Variants in NXPE2 observed in about 807,000 individuals in gnomAD.
The protein encoded by NXPE2 is NXPE family member 2.
A neutral mutation model predicts 34.4 loss-of-function variants in NXPE2; 34 were observed. The observed-to-expected ratio is 0.99, with a 90% confidence interval of 0.75 to 1.31. The LOEUF is 1.31. Among genes scored for constraint, NXPE2 ranks in the 40% most tolerant of loss-of-function variants. The pLI is 0.00. For missense variants in NXPE2, 649 were observed against 672.5 expected, an observed-to-expected ratio of 0.97 and a Z score of 0.39; for synonymous variants, 235 against 231.3, an observed-to-expected ratio of 1.02 and a Z score of -0.15.
chr11:114,799,125 T>A, the NXPE2 span, among the ~76,000 whole-genome samples: 2 of 152,160 alleles, frequency 1.3e-5, no homozygotes, highest in Non-Finnish European at 2.9e-5. Context: ...TACCTAAGGA[T>A]TTCCTTAGTA....
chr11:114,625,583 A>C, the NXPE2 span, among the ~76,000 whole-genome samples: 1 of 152,174 alleles, frequency 6.6e-6, no homozygotes, highest in Non-Finnish European at 1.5e-5. Context: ...CCTCGTGGGT[A>C]ACCACTGTTA....
Position 114,698,154 on chromosome 11 carries a change from A to C in NXPE2, c.242A>C (p.Glu81Ala). Reference protein sequence around the residue: ...LCPAVSPKETELRIKDIMEKL... With the variant: ...LCPAVSPKETALRIKDIMEKL... ...CCAGCAGTTTCACCAAAAGAGACTGAACTTAGAATAAAGGACATTATGGAG... is the reference window on the plus strand; with the variant it reads ...CCAGCAGTTTCACCAAAAGAGACTGCACTTAGAATAAAGGACATTATGGAG... The change falls in exon 3 of 6, where the codon GAA (glutamate) becomes GCA (alanine). Residue 81 changes from glutamate (E) to alanine (A), a missense_variant. Physicochemically the swap from Glu to Ala is moderately radical, Grantham distance 107. Coordinates refer to ENST00000389586, the MANE Select transcript of NXPE2 (RefSeq NM_182495.6). 4 of 1,614,200 alleles carry C rather than the reference A, an allele frequency of 2.5e-6. No individual in the cohort carries two copies.
At chr11:114,482,544 A>T in the NXPE2 span, among the ~76,000 whole-genome samples, 1 of 152,160 alleles carries the variant, frequency 6.6e-6, no homozygotes, top group African/African-American at 2.4e-5. Context: ...ACATTTACAT[A>T]TCCTCTTTCT....
chr11:114,486,404 T>C, the NXPE2 span, among the ~76,000 whole-genome samples: 5 of 152,228 alleles, frequency 3.3e-5, no homozygotes, highest in African/African-American at 1.2e-4. Context: ...TATTAATGCC[T>C]TGTCAGGTGA....
At chr11:114,612,891 C>G in the NXPE2 span, among the ~76,000 whole-genome samples, 1 of 151,540 alleles carries the variant, frequency 6.6e-6, no homozygotes, top group Non-Finnish European at 1.5e-5. Flanking sequence ...TGTTGCCTCA[C>G]GGGTAAGCAC....
upstream of NXPE2, among the ~76,000 whole-genome samples, chr11:114,673,712 T>C (rs186872557): frequency 2.2e-3 from 330 of 151,994 alleles, 2 homozygotes; most frequent in African/African-American, 5.4e-3. Flanking sequence ...AACTTGGGAA[T>C]TGAGTCATGC....
chr11:114,469,500 T>C, the NXPE2 span, among the ~76,000 whole-genome samples: 1 of 151,750 alleles, frequency 6.6e-6, no homozygotes, highest in Non-Finnish European at 1.5e-5. Flanking sequence ...ATTTCATACT[T>C]TTTTTTTGAG....
the NXPE2 span, among the ~76,000 whole-genome samples, chr11:114,794,442 G>A: frequency 1.3e-5 from 2 of 152,150 alleles, no homozygotes; most frequent in Non-Finnish European, 2.9e-5. Flanking sequence ...GGCATGTCCT[G>A]AGTGCTCAGT....
At chr11:114,568,235 T>G in the NXPE2 span, among the ~76,000 whole-genome samples, 1 of 152,342 alleles carries the variant, frequency 6.6e-6, no homozygotes, top group Non-Finnish European at 1.5e-5. Flanking sequence ...CAAATTTTAG[T>G]TTCTGTGCTA....
chr11:114,532,086 A>G, the NXPE2 span, among the ~76,000 whole-genome samples: 1 of 152,218 alleles, frequency 6.6e-6, no homozygotes, highest in Non-Finnish European at 1.5e-5. Context: ...CTCACACTTT[A>G]GAACACATAT....
chr11:114,711,957 C>A (rs1215304848), downstream of NXPE2, among the ~76,000 whole-genome samples: 1 of 152,058 alleles, frequency 6.6e-6, no homozygotes, highest in Non-Finnish European at 1.5e-5. Flanking sequence ...GCATATCTGG[C>A]TACATGATTT....
the NXPE2 span, among the ~76,000 whole-genome samples, chr11:114,505,325 T>C: frequency 6.6e-6 from 1 of 152,076 alleles, no homozygotes; most frequent in Non-Finnish European, 1.5e-5. Flanking sequence ...CATGAGAACT[T>C]CCCCAACCTA....
At chr11:114,551,157 G>C in the NXPE2 span, 1 of 1,535,122 alleles carries the variant, frequency 6.5e-7, no homozygotes, top group African/African-American at 1.4e-5. Flanking sequence ...CTGAAAAAGA[G>C]ATCAAGATCA....
At chr11:114,792,694 G>T in the NXPE2 span, among the ~76,000 whole-genome samples, 2 of 152,176 alleles carry the variant, frequency 1.3e-5, no homozygotes, top group African/African-American at 4.8e-5. Flanking sequence ...TTTGGGAGAG[G>T]CTTCAAAAAC....
chr11:114,582,752 C>T, the NXPE2 span: 1 of 1,614,200 alleles, frequency 6.2e-7, no homozygotes, highest in East Asian at 2.2e-5. Flanking sequence ...GGTCCCTCAC[C>T]TCCAGCAGGA....
At chr11:114,633,380 A>G in the NXPE2 span, among the ~76,000 whole-genome samples, 10 of 143,902 alleles carry the variant, frequency 6.9e-5, no homozygotes, top group Non-Finnish European at 1.4e-4. Context: ...TATATTATGT[A>G]TTATATTATA....
the NXPE2 span, among the ~76,000 whole-genome samples, chr11:114,784,520 A>T: frequency 6.6e-6 from 1 of 152,152 alleles, no homozygotes; most frequent in Admixed American, 6.5e-5. Context: ...AGCTCTTTAT[A>T]CCTTTGTGTG....
chr11:114,635,631 T>A, the NXPE2 span, among the ~76,000 whole-genome samples: 3 of 151,940 alleles, frequency 2.0e-5, no homozygotes, highest in African/African-American at 7.2e-5. Flanking sequence ...TATTTTGAGA[T>A]ATGTCCCATC....
the NXPE2 span, among the ~76,000 whole-genome samples, chr11:114,506,374 A>T: frequency 6.6e-6 from 1 of 152,218 alleles, no homozygotes; most frequent in Non-Finnish European, 1.5e-5. Context: ...GCACTGGATC[A>T]AATAGACCTG....
Sources: allele counts gnomAD v4.1 joint callset (sites outside exome capture counted in the v4.1 genomes callset), GRCh38; gene constraint gnomAD v4.1.1; transcripts MANE v1.5; gene names NCBI Gene and HGNC (gene_info 2026-07-23, HGNC 2026-07-21).